BCL11B: variants seen among roughly 807,000 people sequenced by gnomAD.
The protein encoded by BCL11B is BCL11 transcription factor B.
BCL11B carries 8 observed loss-of-function variants against 49.9 expected under a neutral mutation model. That is an observed-to-expected ratio of 0.16 (90% CI 0.09 to 0.29). The LOEUF (loss-of-function observed/expected upper bound fraction) is 0.29, where lower values mean the gene tolerates loss of function less well. Ranked by LOEUF, BCL11B falls within the 10% of genes least tolerant of loss-of-function variation. BCL11B has a pLI of 1.00. For missense variants in BCL11B, 1,006 were observed against 1,351.0 expected, an observed-to-expected ratio of 0.74 and a Z score of 4.00; for synonymous variants, 739 against 637.4, an observed-to-expected ratio of 1.16 and a Z score of -2.40.
At chr14:99,201,642 G>GT (rs1309319793) in intron 3 of BCL11B, among the ~76,000 whole-genome samples, 1 of 152,122 alleles carries the variant, frequency 6.6e-6, no homozygotes, top group African/African-American at 2.4e-5. Flanking sequence ...CCTGTCCCAG[G>GT]TCCCTGGTGC....
In BCL11B at chr14:99,194,351, C is replaced by T. The variant is rs1037879831; in HGVS notation, c.641-18156G>A. Among the ~76,000 whole-genome samples the T allele has an allele frequency of 2.0e-4, 31 of 152,224 alleles. No homozygotes were observed. The highest frequency in any genetic ancestry group is 6.5e-4 in the African/African-American group (27 of 41,442). ...ACACCCAGTTCTGGTAAGATGGGCC[C>T]GCCAAGGAGCCAGTGCTCCTGGACA... is the stretch of plus-strand genomic sequence containing the variant. On this transcript the variant is annotated intron_variant, in intron 3 of 3. Transcript: ENST00000357195. The surrounding 1 kb of genome is among the most constrained non-coding windows in gnomAD (Gnocchi z 4.6).
chr14:99,208,004 C>T (rs1887582600), intron 3 of BCL11B, among the ~76,000 whole-genome samples: 1 of 152,200 alleles, frequency 6.6e-6, no homozygotes, highest in Non-Finnish European at 1.5e-5. Context: ...AGAGCAGATG[C>T]ACCACGCCCA....
At position 99,216,569 on chromosome 14, in the gene BCL11B, C is replaced by G. The variant is rs573222882; in HGVS notation, c.640+14776G>C. Among the ~76,000 whole-genome samples the G allele has an allele frequency of 6.6e-5, 10 of 152,156 alleles. No individual in the cohort carries two copies. The East Asian group carries it at 1.9e-3, about 29-fold the overall frequency. On this transcript the variant is annotated intron_variant, in intron 3 of 3. Transcript: ENST00000357195. ...GAGATTGGGGGCGGGGGCTCAGTCT[C>G]CCCCAGGAGGTACTAAGAAGGTGAA...
Position 99,175,513 on chromosome 14 carries a change from A to G in BCL11B, c.1323T>C (p.Asn441=), listed in dbSNP as rs750610248. The G allele has an allele frequency of 5.0e-6, 8 of 1,608,980 alleles. No individual in the cohort carries two copies. The highest frequency in any genetic ancestry group is 1.6e-4 in the Middle Eastern group (1 of 6,064). The change falls in exon 4 of 4, where the codon AAT becomes AAC. Residue 441 remains asparagine (N), a synonymous_variant. Transcript: ENST00000357195. ...FCGKTFKFQS[N]LIVHRRSHTG... ...TGTGACTGCGCCGGTGCACGATGAG[A>G]TTGCTCTGGAACTTGAAGGTCTTGC...
Position 99,174,806 on chromosome 14 carries a change from G to C in BCL11B, c.2030C>G (p.Pro677Arg), listed in dbSNP as rs1170818439. ...GGCGGCGCTGTTGAGCCCGGGGCTG[G>C]GCAGCGGCGCGGGCTTGCGCGGGAA... ...GLFPRKPAPL[P>R]SPGLNSAAKR... The change falls in exon 4 of 4, where the codon CCC (proline) becomes CGC (arginine). Residue 677 changes from proline (P) to arginine (R), a missense_variant. By Grantham distance (103) the Pro-to-Arg change is moderately radical (BLOSUM62 -2). Around this residue, in one of 6 missense-constraint regions of BCL11B, gnomAD observed 443 missense variants for 499.7 expected, o/e 0.89. Transcript: ENST00000357195. 7.0e-7 allele frequency: 1 copy of C among 1,421,898 alleles called. No individual in the cohort carries two copies. Among genetic ancestry groups the C allele is most frequent in the Non-Finnish European group, 9.2e-7 (1 of 1,088,694 alleles). The allele number at this position is 1,421,898 out of a possible 1,614,324, so 88.1% of individuals were successfully genotyped here. A position where few individuals can be genotyped will look rare whatever the true frequency, so the allele number is the denominator to read the frequency against.
chr14:99,242,643 G>A lies in BCL11B; in HGVS notation c.428-11086C>T, dbSNP rs1566826744. 6.6e-6 allele frequency among the ~76,000 whole-genome samples: 1 copy of A among 152,334 alleles called. No individual in the cohort carries two copies. Among genetic ancestry groups the A allele is most frequent in the East Asian group, 1.9e-4 (1 of 5,188 alleles). ...CCAGCCCAAAGTCTTGGCCCAGCCA[G>A]GGTGAACAAACCAAATACATAAAGA... On this transcript the variant is annotated intron_variant, in intron 2 of 3. Transcript: ENST00000357195. The surrounding 1 kb of genome is among the most constrained non-coding windows in gnomAD (Gnocchi z 4.4).
At chr14:99,201,948 G>A (rs1455825052) in intron 3 of BCL11B, among the ~76,000 whole-genome samples, 1 of 152,150 alleles carries the variant, frequency 6.6e-6, no homozygotes, top group African/African-American at 2.4e-5. Context: ...GCCCACAACA[G>A]GCAGGAAGGA....
intron 3 of BCL11B, among the ~76,000 whole-genome samples, chr14:99,200,577 C>T (rs1288809339): frequency 6.6e-6 from 1 of 152,196 alleles, no homozygotes; most frequent in Non-Finnish European, 1.5e-5. Flanking sequence ...CCCAGGGATG[C>T]CACTTTGCCC....
At position 99,242,271 on chromosome 14, in the gene BCL11B, G is replaced by A. The variant is rs1056290192; in HGVS notation, c.428-10714C>T. ...TCATACAGACAATATTTACATGGGC[G>A]TTGCATGATCTTGTCCCCCTGCTTC... On this transcript the variant is annotated intron_variant, in intron 2 of 3. Coordinates refer to ENST00000357195, the MANE Select transcript of BCL11B (RefSeq NM_138576.4). This position sits in a 1 kb window ranked among gnomAD's most constrained non-coding sequence, Gnocchi z 4.4. 3.3e-5 allele frequency among the ~76,000 whole-genome samples: 5 copies of A among 152,192 alleles called. No individual in the cohort carries two copies. The highest frequency in any genetic ancestry group is 2.9e-5 in the Non-Finnish European group (2 of 68,032).
intron 3 of BCL11B, among the ~76,000 whole-genome samples, chr14:99,212,903 G>A (rs1169027565): frequency 6.6e-6 from 1 of 152,126 alleles, no homozygotes; most frequent in Non-Finnish European, 1.5e-5. Flanking sequence ...GAAGTCTCTG[G>A]GTCTGTCCCC....
chr14:99,180,474 C>G (rs1886669252), intron 3 of BCL11B, among the ~76,000 whole-genome samples: 1 of 152,196 alleles, frequency 6.6e-6, no homozygotes, highest in Non-Finnish European at 1.5e-5. Flanking sequence ...ATGCAATACC[C>G]TGGGTCATGA....
In BCL11B at chr14:99,174,400, C is replaced by T. The variant is rs756365436; in HGVS notation, c.2436G>A (p.Thr812=). The change falls in exon 4 of 4, where the codon ACG becomes ACA. Residue 812 remains threonine (T), a synonymous_variant. Transcript: ENST00000357195. The part of the protein sequence containing the change: ...GKVFKNCSNL[T]VHRRSHTGER... ...CGCCGGTGTGGCTCCGCCGGTGCACCGTCAAGTTGCTGCAGTTCTTGAACA... is the reference window on the plus strand; with the variant it reads ...CGCCGGTGTGGCTCCGCCGGTGCACTGTCAAGTTGCTGCAGTTCTTGAACA... 15 of 1,613,478 alleles carry T rather than the reference C, an allele frequency of 9.3e-6. No individual in the cohort carries two copies. Among genetic ancestry groups the T allele is most frequent in the Admixed American group, 3.3e-5 (2 of 59,998 alleles).
rs530565708 is a variant in BCL11B at position 99,172,844 on chromosome 14, G to T, written c.*1307C>A. 2.7e-5 allele frequency: 6 copies of T among 222,934 alleles called. No homozygotes were observed. Among genetic ancestry groups the T allele is most frequent in the African/African-American group, 1.2e-4 (5 of 43,210 alleles). 13.8% of individuals were successfully genotyped at this position (222,934 alleles called of 1,614,324 possible). On this transcript the variant is annotated 3_prime_UTR_variant, in exon 4 of 4. Coordinates refer to ENST00000357195, the MANE Select transcript of BCL11B (RefSeq NM_138576.4). Reference sequence around the variant, plus strand: ...TAGTACCTTCCAACCTAATGAGATAGGAAAAAAAAAATAAAAACCTGGGAA... The same window carrying T: ...TAGTACCTTCCAACCTAATGAGATATGAAAAAAAAAATAAAAACCTGGGAA...
intron 2 of BCL11B, among the ~76,000 whole-genome samples, chr14:99,255,418 A>C (rs1595078597): frequency 6.8e-6 from 1 of 147,114 alleles, no homozygotes; most frequent in East Asian, 1.9e-4. Flanking sequence ...AAAAAAAAAA[A>C]AAAAAAAAAA....
rs1886430711 is a variant in BCL11B at position 99,174,902 on chromosome 14, G to A, written c.1934C>T (p.Ala645Val). 9.2e-7 allele frequency: 1 copy of A among 1,090,938 alleles called. No homozygotes were observed. The highest frequency in any genetic ancestry group is 1.1e-6 in the Non-Finnish European group (1 of 896,860). The allele number at this position is 1,090,938 out of a possible 1,614,324, so 67.6% of individuals were successfully genotyped here. The change falls in exon 4 of 4, where the codon GCG (alanine) becomes GTG (valine). Residue 645 changes from alanine (A) to valine (V), a missense_variant. Around this residue, in one of 6 missense-constraint regions of BCL11B, gnomAD observed 443 missense variants for 499.7 expected, o/e 0.89. Coordinates refer to ENST00000357195, the MANE Select transcript of BCL11B (RefSeq NM_138576.4). ...CCCGTTGACCGCGCCGCCCGCGCCC[G>A]CGTCCCCGCAGCCGCCCGCGTCGTC... ...DDDDAGGCGDAGAGGAVNGRG... is the reference protein window; with the variant it reads ...DDDDAGGCGDVGAGGAVNGRG...
At position 99,248,778 on chromosome 14, in the gene BCL11B, C is replaced by T. The variant is rs138716327; in HGVS notation, c.427+8693G>A. ...GAAAGGAATTGAGGTGGGAAATGCACGACCTTCTGCCTGGCTCTTGCAGCT... is the reference window on the plus strand; with the variant it reads ...GAAAGGAATTGAGGTGGGAAATGCATGACCTTCTGCCTGGCTCTTGCAGCT... On this transcript the variant is annotated intron_variant, in intron 2 of 3. Transcript: ENST00000357195. This position sits in a 1 kb window ranked among gnomAD's most constrained non-coding sequence, Gnocchi z 4.7. 8.5e-5 allele frequency among the ~76,000 whole-genome samples: 13 copies of T among 152,298 alleles called. No individual in the cohort carries two copies. Among genetic ancestry groups the T allele is most frequent in the East Asian group, 7.7e-4 (4 of 5,170 alleles).
chr14:99,191,699 C>G (rs1287702076), intron 3 of BCL11B, among the ~76,000 whole-genome samples: 1 of 151,238 alleles, frequency 6.6e-6, no homozygotes. Context: ...TGTCAGCACC[C>G]CCCTGCCCGC....
At position 99,241,311 on chromosome 14, in the gene BCL11B, TC is replaced by T. The variant is rs1180667465; in HGVS notation, c.428-9755del. ...ATAAGAGCCCAGAGGCGGGGAGGCC[TC>T]CGGGGCCACTCTTACACATAAACAA... On this transcript the variant is annotated intron_variant, in intron 2 of 3. Coordinates refer to ENST00000357195, the MANE Select transcript of BCL11B (RefSeq NM_138576.4). The surrounding 1 kb of genome is among the most constrained non-coding windows in gnomAD (Gnocchi z 4.4). Among the ~76,000 whole-genome samples, 9 of 151,996 alleles carry T rather than the reference TC, an allele frequency of 5.9e-5. No individual in the cohort carries two copies. The East Asian group carries it at 1.6e-3, about 26-fold the overall frequency.
chr14:99,249,764 C>T (rs1246162693), intron 2 of BCL11B, among the ~76,000 whole-genome samples: 1 of 152,190 alleles, frequency 6.6e-6, no homozygotes, highest in Non-Finnish European at 1.5e-5. Context: ...GGGAGGATTA[C>T]ACCAGTTAGT....
Sources: allele counts gnomAD v4.1 joint callset (sites outside exome capture counted in the v4.1 genomes callset), GRCh38; gene constraint gnomAD v4.1.1; regional missense constraint gnomAD v4.1.1; non-coding constraint Gnocchi (gnomAD v3.1); transcripts MANE v1.5; gene names NCBI Gene and HGNC (gene_info 2026-07-23, HGNC 2026-07-21).